Variants in FHIT observed in about 807,000 individuals in gnomAD.
The protein encoded by FHIT is fragile histidine triad diadenosine triphosphatase, also known as bis(5'-adenosyl)-triphosphatase.
Under a neutral mutation model 17.9 loss-of-function variants are expected in FHIT, and 19 were observed. The observed-to-expected ratio is 1.06, with a 90% CI of 0.74 to 1.56. FHIT has a LOEUF of 1.56. Ranked by LOEUF, FHIT falls within the 40% of genes most tolerant of loss-of-function variation. The pLI is 0.00. For missense variants in FHIT, 248 were observed against 189.2 expected (o/e 1.31, Z -1.82); for synonymous variants, 81 against 69.7 (o/e 1.16, Z -0.81).
At chr3:61,067,012 G>A (rs74491355) in intron 2 of FHIT, among the ~76,000 whole-genome samples, 3,182 of 152,280 alleles carry the variant, frequency 0.021, 104 homozygotes, top group African/African-American at 0.071. Flanking sequence ...CTATGCTTGT[G>A]CGTGGGCTGG....
rs113748627 is a variant in FHIT, at chr3:60,810,770, G to A, written c.-18+11149C>T. Among the ~76,000 whole-genome samples the A allele has an allele frequency of 5.9e-3, 903 of 152,288 alleles. 4 individuals carry two copies. Among genetic ancestry groups the A allele is most frequent in the Non-Finnish European group, 1.0e-2 (678 of 68,022 alleles). ...TTCTCTGGATGTTGTCAGGGGCAAG[G>A]TGGAGCTTTCTGAGCCATGAATCCA... On this transcript the variant is annotated intron_variant, in intron 4 of 9. Transcript: ENST00000492590.
At chr3:60,100,514 C>A (rs73096009) in intron 5 of FHIT, among the ~76,000 whole-genome samples, 1 of 152,070 alleles carries the variant, frequency 6.6e-6, no homozygotes, top group South Asian at 2.1e-4. Context: ...TTTTAAAAAT[C>A]CTAAGTTGTT....
At chr3:60,816,907 A>G (rs1701760328) in intron 4 of FHIT, among the ~76,000 whole-genome samples, 1 of 151,976 alleles carries the variant, frequency 6.6e-6, no homozygotes, top group Admixed American at 6.6e-5. Context: ...ATATGGTTGC[A>G]TTTAGAGCTG....
chr3:61,173,537 A>C (rs1043282557), intron 2 of FHIT, among the ~76,000 whole-genome samples: 7 of 152,214 alleles, frequency 4.6e-5, no homozygotes, highest in African/African-American at 1.7e-4. Context: ...ATTTCACAGA[A>C]TATACATATA....
rs556503023 is a variant in FHIT at position 60,794,775 on chromosome 3, T to A, written c.-18+27144A>T. On this transcript the variant is annotated intron_variant, in intron 4 of 9. Transcript: ENST00000492590. ...ATTTATAGTTTTCTATTCTGTGCTG[T>A]CTCTCTCAGACTTTGGAATCCATAT... is the stretch of plus-strand genomic sequence containing the variant. Among the ~76,000 whole-genome samples the A allele has an allele frequency of 3.3e-5, 5 of 152,312 alleles. No individual in the cohort carries two copies. The East Asian group carries it at 9.6e-4, about 29-fold the overall frequency.
chr3:59,764,440 C>T (rs923972888), intron 8 of FHIT, among the ~76,000 whole-genome samples: 7 of 152,166 alleles, frequency 4.6e-5, no homozygotes, highest in Admixed American at 4.6e-4. Context: ...TAGGATCATT[C>T]TGCTTCTGAT....
intron 8 of FHIT, among the ~76,000 whole-genome samples, chr3:59,919,850 T>C (rs1340406337): frequency 6.6e-6 from 1 of 152,208 alleles, no homozygotes; most frequent in Non-Finnish European, 1.5e-5. Flanking sequence ...CTGATTAAGA[T>C]CATTTGGTCT....
chr3:60,374,994 C>A (rs1449365201), intron 5 of FHIT, among the ~76,000 whole-genome samples: 3 of 151,424 alleles, frequency 2.0e-5, no homozygotes, highest in Non-Finnish European at 4.4e-5. Context: ...ATATTTGGAG[C>A]CTGAAAGGAG....
chr3:60,912,361 G>A (rs769034076), intron 3 of FHIT, among the ~76,000 whole-genome samples: 1 of 152,204 alleles, frequency 6.6e-6, no homozygotes, highest in Middle Eastern at 3.4e-3. Flanking sequence ...GAGTAACCTG[G>A]TAACTGAACC....
At chr3:60,823,924 G>A (rs1382660067) in intron 3 of FHIT, among the ~76,000 whole-genome samples, 1 of 152,150 alleles carries the variant, frequency 6.6e-6, no homozygotes, top group Non-Finnish European at 1.5e-5. Context: ...CCAGGCAGGT[G>A]CATGTTTGTA....
intron 5 of FHIT, among the ~76,000 whole-genome samples, chr3:60,283,324 T>C (rs1183012565): frequency 6.6e-6 from 1 of 152,134 alleles, no homozygotes; most frequent in Admixed American, 6.6e-5. Flanking sequence ...ATGTTTTATA[T>C]ATGCTATTAT....
At chr3:60,378,131 A>G (rs914458801) in intron 5 of FHIT, among the ~76,000 whole-genome samples, 1 of 151,376 alleles carries the variant, frequency 6.6e-6, no homozygotes, top group African/African-American at 2.4e-5. Flanking sequence ...GGTTCACGCC[A>G]TTTTCCCGCC....
At chr3:60,562,661 G>A (rs1396905292) in intron 4 of FHIT, among the ~76,000 whole-genome samples, 10 of 152,174 alleles carry the variant, frequency 6.6e-5, no homozygotes, top group Non-Finnish European at 1.3e-4. Context: ...CCAAGAGCTT[G>A]TTAGGAATGC....
intron 5 of FHIT, among the ~76,000 whole-genome samples, chr3:60,169,987 T>A (rs1237989612): frequency 6.6e-6 from 1 of 152,202 alleles, no homozygotes; most frequent in African/African-American, 2.4e-5. Flanking sequence ...CTCTGCTGTT[T>A]TCGATGATCC....
At chr3:61,091,574 C>A (rs768926692) in intron 2 of FHIT, among the ~76,000 whole-genome samples, 4 of 151,962 alleles carry the variant, frequency 2.6e-5, no homozygotes, top group African/African-American at 9.7e-5. Context: ...TCCTGCCTAA[C>A]GTTAGCAAAA....
chr3:61,104,028 C>A (rs1190565241), intron 2 of FHIT, among the ~76,000 whole-genome samples: 9 of 151,896 alleles, frequency 5.9e-5, no homozygotes, highest in Admixed American at 5.2e-4. Flanking sequence ...CCAATTTTCC[C>A]GTCTGTGTCT....
chr3:60,679,304 T>G (rs1461756849), intron 4 of FHIT, among the ~76,000 whole-genome samples: 2 of 152,156 alleles, frequency 1.3e-5, no homozygotes, highest in Non-Finnish European at 2.9e-5. Context: ...TAGAAACAGG[T>G]CAATGAAGCT....
chr3:60,910,855 T>G (rs1256910843), intron 3 of FHIT, among the ~76,000 whole-genome samples: 1 of 152,160 alleles, frequency 6.6e-6, no homozygotes, highest in Non-Finnish European at 1.5e-5. Flanking sequence ...AAGGCACACA[T>G]AGCCACCCAT....
intron 4 of FHIT, among the ~76,000 whole-genome samples, chr3:60,711,965 T>C (rs1445950445): frequency 2.0e-5 from 3 of 151,910 alleles, no homozygotes; most frequent in African/African-American, 7.3e-5. Flanking sequence ...CCAAGACACA[T>C]AATTGTCAGA....
Sources: gnomAD v4.1 joint callset for allele counts (sites outside exome capture counted in the v4.1 genomes callset) on GRCh38, gnomAD v4.1.1 for gene constraint, MANE v1.5 for transcripts, NCBI Gene and HGNC (gene_info 2026-07-23, HGNC 2026-07-21) for gene names.